MIPOL1: variants seen among roughly 807,000 people sequenced by gnomAD.
The protein encoded by MIPOL1 is mirror-image polydactyly 1.
Under a neutral mutation model 60.9 loss-of-function variants are expected in MIPOL1, and 57 were observed. The ratio of observed to expected loss-of-function variants is 0.94; its 90% CI spans 0.76 to 1.17. MIPOL1 has a LOEUF of 1.17. Ranked by LOEUF, MIPOL1 falls within the 50% of genes most tolerant of loss-of-function variation. MIPOL1 has a pLI of 0.00. For missense variants in MIPOL1, 551 were observed against 511.6 expected, an observed-to-expected ratio of 1.08 and a Z score of -0.74; for synonymous variants, 179 against 168.8, an observed-to-expected ratio of 1.06 and a Z score of -0.47.
intron 10 of MIPOL1, among the ~76,000 whole-genome samples, chr14:37,420,155 A>C (rs2093846952): frequency 6.6e-6 from 1 of 152,068 alleles, no homozygotes; most frequent in African/African-American, 2.4e-5. Flanking sequence ...AATTTTGTAA[A>C]TCAGGGTAAT....
At chr14:37,278,094 T>C (rs1211375089) in intron 6 of MIPOL1, 2 of 151,602 alleles carry the variant, frequency 1.3e-5, no homozygotes, top group Non-Finnish European at 3.0e-5. Flanking sequence ...GTATAAAATG[T>C]TGCAAAGTCC....
At chr14:37,490,461 G>T (rs1393952765) in intron 11 of MIPOL1, among the ~76,000 whole-genome samples, 1 of 152,024 alleles carries the variant, frequency 6.6e-6, no homozygotes, top group Non-Finnish European at 1.5e-5. Context: ...GGAGTGAACG[G>T]TCTGTCTTGC....
chr14:37,309,051 C>T (rs528902436), intron 9 of MIPOL1, among the ~76,000 whole-genome samples: 1 of 152,132 alleles, frequency 6.6e-6, no homozygotes, highest in South Asian at 2.1e-4. Flanking sequence ...AGTGGCTGTG[C>T]TCTCTCTCAT....
In MIPOL1 at chr14:37,547,081, G is replaced by C; in HGVS notation, c.*110G>C. 1.2e-6 allele frequency: 1 copy of C among 856,644 alleles called. No individual in the cohort carries two copies. 53.1% of individuals were successfully genotyped at this position (856,644 alleles called of 1,614,324 possible). ...AACTTAGCAAACAGTTGTTAGAAGT[G>C]GGACACTCCAACCACATTCCAAGCT... is the stretch of plus-strand genomic sequence containing the variant. On this transcript the variant is annotated 3_prime_UTR_variant, in exon 13 of 13. Transcript: ENST00000684589.
At chr14:37,529,599 T>C (rs1425624836) in intron 12 of MIPOL1, among the ~76,000 whole-genome samples, 3 of 152,202 alleles carry the variant, frequency 2.0e-5, no homozygotes, top group African/African-American at 7.2e-5. Context: ...TAGAGTAGGA[T>C]GGCACTAAGT....
At chr14:37,537,691 A>C (rs2095512424) in intron 12 of MIPOL1, among the ~76,000 whole-genome samples, 1 of 152,210 alleles carries the variant, frequency 6.6e-6, no homozygotes, top group Non-Finnish European at 1.5e-5. Flanking sequence ...GGTTGGTAGT[A>C]TTTTGGAATT....
At chr14:37,241,733 T>C (rs1186507418) in intron 1 of MIPOL1, among the ~76,000 whole-genome samples, 1 of 152,172 alleles carries the variant, frequency 6.6e-6, no homozygotes, top group Non-Finnish European at 1.5e-5. Context: ...CAAAACAATT[T>C]ATTTTCATTA....
chr14:37,349,725 AC>A (rs1276120299), intron 9 of MIPOL1, among the ~76,000 whole-genome samples: 28 of 151,514 alleles, frequency 1.8e-4, no homozygotes, highest in African/African-American at 6.8e-4. Flanking sequence ...AACATTTTTC[AC>A]CTCTATCATT....
chr14:37,325,142 T>C (rs1006241003), intron 9 of MIPOL1, among the ~76,000 whole-genome samples: 2 of 152,128 alleles, frequency 1.3e-5, no homozygotes, highest in African/African-American at 4.8e-5. Flanking sequence ...GACACCTTAA[T>C]AATTTTTAGT....
chr14:37,458,801 G>A (rs2094505978), intron 11 of MIPOL1, among the ~76,000 whole-genome samples: 4 of 151,990 alleles, frequency 2.6e-5, no homozygotes, highest in South Asian at 2.1e-4. Context: ...GCAGTGAGCC[G>A]AGATTGTGCC....
intron 11 of MIPOL1, among the ~76,000 whole-genome samples, chr14:37,443,434 G>T (rs1397545360): frequency 7.5e-6 from 1 of 132,876 alleles, no homozygotes; most frequent in East Asian, 2.3e-4. Context: ...ACTCCAGCCT[G>T]GGTGACAGAG....
chr14:37,266,985 A>G lies in MIPOL1; in HGVS notation c.67A>G (p.Ser23Gly), dbSNP rs1335655063. Residue 23 changes from serine (S) to glycine (G), a missense_variant, in exon 4 of 13, where the codon AGT becomes GGT. Physicochemically the swap from Ser to Gly is moderately conservative, Grantham distance 56. Transcript: ENST00000684589. The stretch of plus-strand genomic sequence containing the variant: ...ACAAGAAACTACGGGGATAAATAAA[A>G]GTACGCAGCCAGATGAGCAACTGAC... Reference protein sequence around the residue: ...LEQETTGINKSTQPDEQLTMN... With the variant: ...LEQETTGINKGTQPDEQLTMN... 1 of 1,613,684 alleles carries G rather than the reference A, an allele frequency of 6.2e-7. No homozygotes were observed. The highest frequency in any genetic ancestry group is 8.5e-7 in the Non-Finnish European group (1 of 1,179,764).
chr14:37,515,730 A>G (rs1479861044), intron 12 of MIPOL1, among the ~76,000 whole-genome samples: 1 of 151,506 alleles, frequency 6.6e-6, no homozygotes, highest in Non-Finnish European at 1.5e-5. Context: ...AGAGGGCCTA[A>G]ATCTTTCCCA....
chr14:37,445,225 A>G (rs1373467195), intron 11 of MIPOL1, among the ~76,000 whole-genome samples: 1 of 151,926 alleles, frequency 6.6e-6, no homozygotes, highest in African/African-American at 2.4e-5. Context: ...AACTTCAGCA[A>G]AGTCTCAGGA....
In MIPOL1 at chr14:37,527,566, C is replaced by A. The variant is rs146609589; in HGVS notation, c.1263-19339C>A. Among the ~76,000 whole-genome samples the A allele has an allele frequency of 6.1e-3, 932 of 152,070 alleles. 12 individuals carry two copies. The highest frequency in any genetic ancestry group is 0.022 in the African/African-American group (904 of 41,506). On this transcript the variant is annotated intron_variant, in intron 12 of 12. Transcript: ENST00000684589. ...ATGCAAATATCCTTCAGGGATAGAA[C>A]AAACAGGATCAAAACACAGTGAGAG...
rs116883500 is a variant in MIPOL1, at chr14:37,312,834, T to C, written c.828+4315T>C. ...GGCCAATTCACACTTTCCTATTTTA[T>C]TCGAATTGTAGAAATATCTGGAATC... On this transcript the variant is annotated intron_variant, in intron 9 of 12. Coordinates refer to ENST00000684589, the MANE Select transcript of MIPOL1 (RefSeq NM_001388067.1). 9.8e-5 allele frequency among the ~76,000 whole-genome samples: 15 copies of C among 152,292 alleles called. No homozygotes were observed. In the East Asian group the frequency reaches 2.9e-3, roughly 29 times the overall value.
At chr14:37,475,026 G>T (rs552952042) in intron 11 of MIPOL1, among the ~76,000 whole-genome samples, 1 of 151,708 alleles carries the variant, frequency 6.6e-6, no homozygotes, top group East Asian at 1.9e-4. Context: ...ATGCAGTGGC[G>T]TGATCTCGGC....
chr14:37,274,901 G>A (rs974472746), intron 6 of MIPOL1, among the ~76,000 whole-genome samples: 1 of 151,028 alleles, frequency 6.6e-6, no homozygotes, highest in African/African-American at 2.4e-5. Context: ...TAATTGTGTG[G>A]TTATGTAAAT....
chr14:37,460,819 C>T (rs2094530590), intron 11 of MIPOL1, among the ~76,000 whole-genome samples: 1 of 152,076 alleles, frequency 6.6e-6, no homozygotes, highest in South Asian at 2.1e-4. Context: ...AAGACCTCTA[C>T]AAGGAGAACT....
Sources: gnomAD v4.1 joint callset for allele counts (sites outside exome capture counted in the v4.1 genomes callset) on GRCh38, gnomAD v4.1.1 for gene constraint, MANE v1.5 for transcripts, NCBI Gene and HGNC (gene_info 2026-07-23, HGNC 2026-07-21) for gene names.